SORCS3: variants seen among roughly 807,000 people sequenced by gnomAD.
The protein encoded by SORCS3 is VPS10 domain-containing receptor SorCS3.
In SORCS3, 57 loss-of-function variants were observed where a neutral mutation model predicts 146.3. The observed-to-expected ratio is 0.39, with a 90% confidence interval of 0.31 to 0.49. The LOEUF is 0.49. Ranked by LOEUF, SORCS3 falls within the 20% of genes least tolerant of loss-of-function variation. SORCS3 has a pLI of 0.92. For synonymous variants in SORCS3, 653 were observed against 618.5 expected, an observed-to-expected ratio of 1.06 and a Z score of -0.83; for missense variants, 1,341 against 1,575.5, an observed-to-expected ratio of 0.85 and a Z score of 2.52.
At position 104,641,450 on chromosome 10, in the gene SORCS3, C is replaced by G. The variant is rs112044346; in HGVS notation, c.123C>G (p.Gly41=). 2 of 1,468,214 alleles carry G rather than the reference C, an allele frequency of 1.4e-6. No homozygotes were observed. Among genetic ancestry groups the G allele is most frequent in the Non-Finnish European group, 1.8e-6 (2 of 1,117,096 alleles). The allele number at this position is 1,468,214 out of a possible 1,614,324, so 90.9% of individuals were successfully genotyped here. A position where few individuals can be genotyped will look rare whatever the true frequency, so the allele number is the denominator to read the frequency against. ...CCGAGATCACTTGGGACGCGACAGG[C>G]GGTCCCGGACGCCCGGCGGCCCCGG... is the stretch of plus-strand genomic sequence containing the variant. ...AGAEITWDAT[G]GPGRPAAPAS... is the part of the protein sequence containing the mutation. Residue 41 remains glycine, a synonymous_variant, in exon 1 of 27, where the codon GGC becomes GGG. Coordinates refer to ENST00000369701, the MANE Select transcript of SORCS3 (RefSeq NM_014978.3). The surrounding 1 kb of genome is among the most constrained non-coding windows in gnomAD (Gnocchi z 6.4).
At chr10:104,704,077 T>A (rs1336800816) in intron 1 of SORCS3, among the ~76,000 whole-genome samples, 1 of 152,044 alleles carries the variant, frequency 6.6e-6, no homozygotes, top group African/African-American at 2.4e-5. Flanking sequence ...GGAGGGAGAA[T>A]AACATGGTTA....
At chr10:104,800,254 A>ATG (rs1489572627) in intron 1 of SORCS3, among the ~76,000 whole-genome samples, 1 of 152,006 alleles carries the variant, frequency 6.6e-6, no homozygotes, top group Non-Finnish European at 1.5e-5. Flanking sequence ...ATATATATAT[A>ATG]TATATGTAAA....
intron 3 of SORCS3, among the ~76,000 whole-genome samples, chr10:104,943,953 C>T (rs1589560050): frequency 6.6e-6 from 1 of 152,072 alleles, no homozygotes; most frequent in Non-Finnish European, 1.5e-5. Context: ...GGGTCTTGCT[C>T]TGTTGCCTAG....
At chr10:105,003,697 G>A (rs1407612944) in intron 4 of SORCS3, among the ~76,000 whole-genome samples, 1 of 152,104 alleles carries the variant, frequency 6.6e-6, no homozygotes, top group African/African-American at 2.4e-5. Flanking sequence ...TTGAAGCAGG[G>A]AACTTGACAT....
chr10:105,259,852 T>C (rs982887743), intron 25 of SORCS3, among the ~76,000 whole-genome samples: 1 of 152,188 alleles, frequency 6.6e-6, no homozygotes, highest in African/African-American at 2.4e-5. Flanking sequence ...GTTTTGTTTT[T>C]TGTTTTTAGA....
In SORCS3 at chr10:104,757,467, A is replaced by G. The variant is rs188354552; in HGVS notation, c.628-85325A>G. ...TCAGACACTAGGCAGGTACAACAGC[A>G]GAGCAGTCTCCCTGTGTGCCACAGT... On this transcript the variant is annotated intron_variant, in intron 1 of 26. Coordinates refer to ENST00000369701, the MANE Select transcript of SORCS3 (RefSeq NM_014978.3). 2.2e-3 allele frequency among the ~76,000 whole-genome samples: 341 copies of G among 152,332 alleles called. 2 individuals are homozygous for G. The highest frequency in any genetic ancestry group is 7.8e-3 in the African/African-American group (325 of 41,568).
chr10:105,030,983 C>G (rs951060060), intron 4 of SORCS3, among the ~76,000 whole-genome samples: 2 of 151,850 alleles, frequency 1.3e-5, no homozygotes, highest in African/African-American at 4.8e-5. Flanking sequence ...TTTTCCACAA[C>G]ATTCAAGTAC....
intron 3 of SORCS3, among the ~76,000 whole-genome samples, chr10:104,931,447 G>C (rs1455012119): frequency 1.3e-5 from 2 of 152,158 alleles, no homozygotes; most frequent in South Asian, 4.2e-4. Context: ...TGACTCTGGT[G>C]GAGAAACTGC....
intron 19 of SORCS3, among the ~76,000 whole-genome samples, chr10:105,221,798 G>A (rs1328402951): frequency 6.6e-6 from 1 of 152,088 alleles, no homozygotes; most frequent in Non-Finnish European, 1.5e-5. Context: ...TCAATTACTT[G>A]TTCTTATCAA....
chr10:104,771,872 C>A (rs1018785785), intron 1 of SORCS3, among the ~76,000 whole-genome samples: 4 of 151,790 alleles, frequency 2.6e-5, no homozygotes, highest in Admixed American at 6.6e-5. Context: ...CCAGGAGGTT[C>A]TCCTCTTCTC....
At chr10:104,975,537 C>T (rs1017457038) in intron 3 of SORCS3, among the ~76,000 whole-genome samples, 6 of 152,196 alleles carry the variant, frequency 3.9e-5, no homozygotes, top group Admixed American at 3.9e-4. Flanking sequence ...CAATGACTTT[C>T]TTCACAGAAT....
chr10:104,777,590 C>T (rs370673243), intron 1 of SORCS3, among the ~76,000 whole-genome samples: 30 of 152,210 alleles, frequency 2.0e-4, no homozygotes, highest in African/African-American at 6.5e-4. Flanking sequence ...ACATTTGTCA[C>T]AACTGGGGGG....
intron 2 of SORCS3, among the ~76,000 whole-genome samples, chr10:104,875,776 A>G (rs2018565401): frequency 6.6e-6 from 1 of 152,176 alleles, no homozygotes; most frequent in Non-Finnish European, 1.5e-5. Context: ...TCTAAATTGT[A>G]AAACCTGCAT....
At chr10:104,888,677 G>A (rs1276810285) in intron 2 of SORCS3, among the ~76,000 whole-genome samples, 1 of 152,110 alleles carries the variant, frequency 6.6e-6, no homozygotes, top group Non-Finnish European at 1.5e-5. Context: ...GGTATGACAG[G>A]ACACCAATCA....
At chr10:104,673,112 C>T (rs899268798) in intron 1 of SORCS3, among the ~76,000 whole-genome samples, 1 of 151,360 alleles carries the variant, frequency 6.6e-6, no homozygotes, top group African/African-American at 2.4e-5. Flanking sequence ...GAATTTTTTT[C>T]TCATCTTTTG....
In SORCS3 at chr10:104,757,073, T is replaced by G. The variant is rs866080854; in HGVS notation, c.628-85719T>G. ...CTGTTTTCCAAGTTAAGGGTTTTTTTTTTTTTTTTTTTTTTTTTAGCCAAT... is the reference window on the plus strand; with the variant it reads ...CTGTTTTCCAAGTTAAGGGTTTTTTGTTTTTTTTTTTTTTTTTTAGCCAAT... On this transcript the variant is annotated intron_variant, in intron 1 of 26. Coordinates refer to ENST00000369701, the MANE Select transcript of SORCS3 (RefSeq NM_014978.3). 7.9e-3 allele frequency among the ~76,000 whole-genome samples: 1,183 copies of G among 149,066 alleles called. 22 individuals are homozygous for G. Among genetic ancestry groups the G allele is most frequent in the African/African-American group, 0.028 (1,124 of 40,340 alleles).
At chr10:104,700,297 C>T (rs2016264962) in intron 1 of SORCS3, among the ~76,000 whole-genome samples, 1 of 152,198 alleles carries the variant, frequency 6.6e-6, no homozygotes, top group Non-Finnish European at 1.5e-5. Flanking sequence ...TAGCTTCAGT[C>T]ATGGCTGGAG....
chr10:104,927,933 A>C (rs1185814513), intron 3 of SORCS3, among the ~76,000 whole-genome samples: 1 of 152,100 alleles, frequency 6.6e-6, no homozygotes, highest in African/African-American at 2.4e-5. Context: ...ATGCAGCACC[A>C]AGCTTGAAGA....
At position 105,263,954 on chromosome 10, in the gene SORCS3, A is replaced by G. The variant is rs998107207; in HGVS notation, c.*580A>G. The G allele has an allele frequency of 3.9e-5, 6 of 152,878 alleles. No homozygotes were observed. The highest frequency in any genetic ancestry group is 7.3e-5 in the Non-Finnish European group (5 of 68,172). The allele number at this position is 152,878 out of a possible 1,614,324, so 9.5% of individuals were successfully genotyped here. The stretch of plus-strand genomic sequence containing the variant: ...TTTTTATTTCCTAAGAAATAATTTA[A>G]TGTTTAGTAAAAAAGAAAACAGAAA... On this transcript the variant is annotated 3_prime_UTR_variant, in exon 27 of 27. Transcript: ENST00000369701.
Sources: allele counts gnomAD v4.1 joint callset (sites outside exome capture counted in the v4.1 genomes callset), GRCh38; gene constraint gnomAD v4.1.1; non-coding constraint Gnocchi (gnomAD v3.1); transcripts MANE v1.5; gene names NCBI Gene and HGNC (gene_info 2026-07-23, HGNC 2026-07-21).